SNX8: variants seen among roughly 807,000 people sequenced by gnomAD.
SNX8 encodes the protein sorting nexin-8.
A neutral mutation model predicts 51.6 loss-of-function variants in SNX8; 25 were observed. The ratio of observed to expected loss-of-function variants is 0.48; its 90% CI spans 0.35 to 0.68. SNX8 has a LOEUF of 0.68. Among genes scored for constraint, SNX8 ranks in the 30% least tolerant of loss-of-function variants. The probability of loss-of-function intolerance (pLI) is 0.00; values close to 1 mark genes in which losing one functional copy is unlikely to be tolerated. For missense variants in SNX8, 695 were observed against 624.0 expected (o/e 1.11, Z -1.21); for synonymous variants, 324 against 277.0 (o/e 1.17, Z -1.68).
intron 3 of SNX8, among the ~76,000 whole-genome samples, chr7:2,273,792 T>A (rs1223970599): frequency 1.3e-5 from 2 of 150,202 alleles, no homozygotes; most frequent in Non-Finnish European, 3.0e-5. Flanking sequence ...TAGTCCCAGC[T>A]ACGCGGGAGG....
intron 5 of SNX8, among the ~76,000 whole-genome samples, chr7:2,268,896 G>A (rs1584680520): frequency 7.5e-5 from 1 of 13,310 alleles, no homozygotes; most frequent in Non-Finnish European, 1.6e-4. Context: ...CCGTCCGGGA[G>A]GGAGGTGGGG....
At chr7:2,259,150 G>C (rs1258667205) in intron 7 of SNX8, among the ~76,000 whole-genome samples, 1 of 152,216 alleles carries the variant, frequency 6.6e-6, no homozygotes, top group Non-Finnish European at 1.5e-5. Context: ...TCTGGAGACA[G>C]CAGGGGTCTG....
intron 1 of SNX8, among the ~76,000 whole-genome samples, chr7:2,336,354 C>A (rs141034210): frequency 6.7e-6 from 1 of 150,266 alleles, no homozygotes; most frequent in Non-Finnish European, 1.5e-5. Flanking sequence ...GAGCCGAGAT[C>A]GTGCCATTTC....
At chr7:2,318,583 C>A (rs1796790051), upstream of SNX8, among the ~76,000 whole-genome samples, 1 of 151,574 alleles carries the variant, frequency 6.6e-6, no homozygotes, top group African/African-American at 2.4e-5. Context: ...GTAATCCCAG[C>A]TACTCGGGAG....
At chr7:2,288,721 G>A (rs542189514) in intron 1 of SNX8, among the ~76,000 whole-genome samples, 1 of 152,154 alleles carries the variant, frequency 6.6e-6, no homozygotes, top group East Asian at 1.9e-4. Context: ...GGGTTTTTTG[G>A]GGGTTTGCCT....
At chr7:2,290,298 C>T (rs542079569) in intron 1 of SNX8, among the ~76,000 whole-genome samples, 2 of 152,106 alleles carry the variant, frequency 1.3e-5, no homozygotes, top group South Asian at 2.1e-4. Context: ...GCCTGGAGTT[C>T]GAGACCAGCC....
intron 1 of SNX8, among the ~76,000 whole-genome samples, chr7:2,330,949 C>T (rs952922411): frequency 5.3e-5 from 8 of 151,524 alleles, no homozygotes; most frequent in African/African-American, 1.9e-4. Flanking sequence ...CTTTGGGAGG[C>T]CGAGGCAGGT....
chr7:2,289,627 T>G (rs764629845), intron 1 of SNX8, among the ~76,000 whole-genome samples: 20 of 152,206 alleles, frequency 1.3e-4, no homozygotes, highest in Admixed American at 2.0e-4. Context: ...TTTTTCTCTT[T>G]TTTTTAATGC....
intron 1 of SNX8, among the ~76,000 whole-genome samples, chr7:2,347,480 C>CAAAAAAAAAAAA (rs749495262): frequency 2.5e-5 from 1 of 39,350 alleles, no homozygotes; most frequent in African/African-American, 9.5e-5. Context: ...GATGCTGTCT[C>CAAAAAAAAAAAA]AAAAAAAAAA....
rs139470608 is a variant in SNX8, at chr7:2,257,407, G to A, written c.1092C>T (p.Arg364=). Residue 364 remains arginine, a synonymous_variant, in exon 9 of 11, where the codon CGC becomes CGT. Transcript: ENST00000222990. ...CCAGCTGCTCCACGGACTCCGGCTC[G>A]CGGTTCTGCGCGGTGGCGCTCATCA... The part of the protein sequence containing the change: ...RQMMSATAQN[R]EPESVEQLES... 4.3e-6 allele frequency: 7 copies of A among 1,610,252 alleles called. No individual in the cohort carries two copies. The South Asian group carries it at 6.6e-5, about 15-fold the overall frequency.
intron 1 of SNX8, among the ~76,000 whole-genome samples, chr7:2,334,481 T>TGAGGTCAGGAGTTG (rs1423923821): frequency 1.3e-5 from 2 of 151,492 alleles, no homozygotes; most frequent in African/African-American, 4.9e-5. Flanking sequence ...GCGGATCACT[T>TGAGGTCAGGAGTTG]GAGGTCAGGA....
intron 7 of SNX8, among the ~76,000 whole-genome samples, chr7:2,260,226 T>C (rs916180340): frequency 6.6e-6 from 1 of 152,040 alleles, no homozygotes; most frequent in African/African-American, 2.4e-5. Context: ...GCCTCCCGAG[T>C]AGCTGAGATT....
intron 1 of SNX8, among the ~76,000 whole-genome samples, chr7:2,307,091 A>G (rs1006073058): frequency 1.3e-5 from 2 of 152,142 alleles, no homozygotes; most frequent in Non-Finnish European, 2.9e-5. Flanking sequence ...CAGAAACAGC[A>G]AAGTGCCTCC....
At chr7:2,272,167 GC>G (rs1795664501) in intron 3 of SNX8, among the ~76,000 whole-genome samples, 196 bp from the exon 4 acceptor site, 2 of 152,120 alleles carry the variant, frequency 1.3e-5, no homozygotes, top group South Asian at 4.2e-4. Flanking sequence ...ACCCCCAGAG[GC>G]CCCCTCCAGC....
At chr7:2,346,939 A>AAAG (rs1344220189) in intron 1 of SNX8, among the ~76,000 whole-genome samples, 4 of 151,236 alleles carry the variant, frequency 2.6e-5, no homozygotes, top group African/African-American at 9.7e-5. Context: ...AAAAAAAAAA[A>AAAG]AAGAAAAAAG....
chr7:2,268,418 C>T (rs1369247248), intron 5 of SNX8, among the ~76,000 whole-genome samples: 38 of 125,106 alleles, frequency 3.0e-4, no homozygotes, highest in African/African-American at 3.6e-4. Context: ...GGAGCGTCTC[C>T]GCCCGGCAGC....
intron 2 of SNX8, among the ~76,000 whole-genome samples, chr7:2,276,104 A>G (rs908887068): frequency 6.6e-6 from 1 of 152,162 alleles, no homozygotes; most frequent in Non-Finnish European, 1.5e-5. Flanking sequence ...TGCCCCCTTG[A>G]CAAATGTTCC....
Position 2,275,153 on chromosome 7 carries a change from T to C in SNX8, c.377A>G (p.Tyr126Cys), listed in dbSNP as rs1310424089. Residue 126 changes from tyrosine (Y) to cysteine (C), a missense_variant, in exon 3 of 11, where the codon TAC becomes TGC. Physicochemically the swap from Tyr to Cys is radical, Grantham distance 194. Coordinates refer to ENST00000222990, the MANE Select transcript of SNX8 (RefSeq NM_013321.4). ...FQEMLLHKFP[Y>C]RMVPALPPKR... ...GGGTGGCAGGGCAGGCACCATACGG[T>C]AGGGGAACTTGTGCAGGAGCATCTC... 1.9e-6 allele frequency: 3 copies of C among 1,614,010 alleles called. No homozygotes were observed. Among genetic ancestry groups the C allele is most frequent in the Non-Finnish European group, 2.5e-6 (3 of 1,179,926 alleles).
intron 1 of SNX8, among the ~76,000 whole-genome samples, chr7:2,326,284 G>C (rs181604672): frequency 6.6e-6 from 1 of 152,082 alleles, no homozygotes; most frequent in African/African-American, 2.4e-5. Context: ...AGGATCGCTC[G>C]AACCAGGGAG....
Sources: gnomAD v4.1 joint callset for allele counts (sites outside exome capture counted in the v4.1 genomes callset) on GRCh38, gnomAD v4.1.1 for gene constraint, MANE v1.5 for transcripts, NCBI Gene and HGNC (gene_info 2026-07-23, HGNC 2026-07-21) for gene names.